Variants in ZBTB20 observed in about 807,000 individuals in gnomAD.
The protein encoded by ZBTB20 is zinc finger and BTB domain containing 20, also known as zinc finger and BTB domain-containing protein 20.
Under a neutral mutation model 56.9 loss-of-function variants are expected in ZBTB20, and 9 were observed. The observed-to-expected ratio is 0.16, with a 90% confidence interval of 0.10 to 0.28. ZBTB20 has a LOEUF of 0.28. ZBTB20 is among the 10% of genes least tolerant of loss of function. The pLI, the probability that ZBTB20 is intolerant of heterozygous loss-of-function variation, is 1.00. For missense variants in ZBTB20, 655 were observed against 1,003.0 expected, an observed-to-expected ratio of 0.65 and a Z score of 4.69; for synonymous variants, 417 against 420.7, an observed-to-expected ratio of 0.99 and a Z score of 0.11.
chr3:114,889,061 T>A (rs2107620075), intron 4 of ZBTB20, among the ~76,000 whole-genome samples: 1 of 152,134 alleles, frequency 6.6e-6, no homozygotes, highest in Admixed American at 6.5e-5. Context: ...AATATATTTT[T>A]AAATAGCTTA....
intron 6 of ZBTB20, chr3:114,520,090 G>A (rs183746938): frequency 1.1e-4 from 17 of 151,924 alleles, no homozygotes; most frequent in African/African-American, 4.1e-4. Context: ...CTGACCTTTG[G>A]GGAATTATTT....
intron 4 of ZBTB20, among the ~76,000 whole-genome samples, chr3:114,830,414 C>T (rs1228117974): frequency 6.6e-6 from 1 of 151,944 alleles, no homozygotes; most frequent in African/African-American, 2.4e-5. Context: ...GCAATGAGAG[C>T]TTGGTGAGCA....
At chr3:114,460,600 C>T (rs1333353520) in intron 7 of ZBTB20, among the ~76,000 whole-genome samples, 1 of 152,144 alleles carries the variant, frequency 6.6e-6, no homozygotes, top group East Asian at 1.9e-4. Flanking sequence ...TTTATAGCCG[C>T]TAAAAGGAAC....
chr3:114,611,699 TTGATCCCCACAGTCA>T (rs2057566546), intron 6 of ZBTB20, among the ~76,000 whole-genome samples: 2 of 152,300 alleles, frequency 1.3e-5, no homozygotes, highest in South Asian at 4.2e-4. Context: ...ATGTCCCTTT[TTGATCCCCACAGTCA>T]TGAGTGTATT....
At chr3:114,964,458 A>T (rs182038422) in intron 3 of ZBTB20, among the ~76,000 whole-genome samples, 2 of 152,144 alleles carry the variant, frequency 1.3e-5, no homozygotes, top group Admixed American at 1.3e-4. Flanking sequence ...ACTATGCTAC[A>T]ATATGGTAAA....
chr3:114,494,162 A>T (rs936441133), intron 7 of ZBTB20, among the ~76,000 whole-genome samples: 4 of 152,222 alleles, frequency 2.6e-5, no homozygotes, highest in Admixed American at 1.3e-4. Flanking sequence ...AGCACTCAAT[A>T]GGTATTTCTT....
At chr3:114,699,683 T>G (rs909169005) in intron 5 of ZBTB20, among the ~76,000 whole-genome samples, 2 of 152,138 alleles carry the variant, frequency 1.3e-5, no homozygotes, top group Non-Finnish European at 2.9e-5. Context: ...AAAAAGTTTT[T>G]TATTTCTCTC....
At chr3:114,499,401 C>G (rs1024484781) in intron 7 of ZBTB20, among the ~76,000 whole-genome samples, 1 of 152,182 alleles carries the variant, frequency 6.6e-6, no homozygotes, top group Non-Finnish European at 1.5e-5. Flanking sequence ...GCCATGGGAA[C>G]CTCCATTCTG....
intron 5 of ZBTB20, among the ~76,000 whole-genome samples, chr3:114,770,627 T>C (rs2069129676): frequency 6.6e-6 from 1 of 152,232 alleles, no homozygotes; most frequent in South Asian, 2.1e-4. Context: ...AAAAGCGCCA[T>C]CTTTTAGAAA....
At chr3:114,372,691 A>T (rs1347795484) in intron 10 of ZBTB20, among the ~76,000 whole-genome samples, 2 of 151,724 alleles carry the variant, frequency 1.3e-5, no homozygotes, top group Non-Finnish European at 2.9e-5. Context: ...AAACCCCCCA[A>T]AAAACTAGCT....
intron 3 of ZBTB20, 183 bp from the exon 4 acceptor site, chr3:114,900,525 A>G (rs1313932300): frequency 6.6e-6 from 1 of 151,884 alleles, no homozygotes; most frequent in Admixed American, 6.6e-5. Context: ...ACACACACAC[A>G]CACACACACA....
chr3:114,615,365 T>G (rs942500230), intron 6 of ZBTB20, among the ~76,000 whole-genome samples: 2 of 152,182 alleles, frequency 1.3e-5, no homozygotes, highest in Non-Finnish European at 2.9e-5. Flanking sequence ...GGGGACACTA[T>G]ATAATGCCTT....
intron 5 of ZBTB20, among the ~76,000 whole-genome samples, chr3:114,734,924 CT>C (rs1310528574): frequency 2.0e-5 from 3 of 152,008 alleles, no homozygotes; most frequent in African/African-American, 7.2e-5. Context: ...ACACGCACAT[CT>C]TTGGGATGTG....
intron 6 of ZBTB20, among the ~76,000 whole-genome samples, chr3:114,678,787 A>C (rs1367834762): frequency 6.6e-6 from 1 of 152,216 alleles, no homozygotes; most frequent in Admixed American, 6.5e-5. Context: ...ATAATTTATT[A>C]CTTCATTAAA....
intron 4 of ZBTB20, among the ~76,000 whole-genome samples, chr3:114,857,182 AC>A (rs2075291663): frequency 6.6e-6 from 1 of 152,154 alleles, no homozygotes; most frequent in African/African-American, 2.4e-5. Flanking sequence ...AGCTGCTTCT[AC>A]AGGTTTATCC....
intron 7 of ZBTB20, among the ~76,000 whole-genome samples, chr3:114,426,660 C>A (rs1430177721): frequency 3.3e-5 from 5 of 151,778 alleles, no homozygotes; most frequent in Non-Finnish European, 7.4e-5. Flanking sequence ...ACGGAATAAT[C>A]CCTCATGCAC....
At chr3:114,571,828 TC>T (rs2053470077) in intron 6 of ZBTB20, among the ~76,000 whole-genome samples, 1 of 152,054 alleles carries the variant, frequency 6.6e-6, no homozygotes, top group Non-Finnish European at 1.5e-5. Context: ...TTAAACAGGC[TC>T]CCCAAGTAAT....
intron 6 of ZBTB20, among the ~76,000 whole-genome samples, chr3:114,518,154 T>C (rs2046234280): frequency 2.0e-5 from 3 of 152,124 alleles, no homozygotes; most frequent in South Asian, 2.1e-4. Flanking sequence ...AGGGCTGGGG[T>C]ATGGGTATTG....
Position 115,111,915 on chromosome 3 carries a change from T to C in ZBTB20, c.-703+35304A>G, listed in dbSNP as rs373332803. Reference sequence around the variant, plus strand: ...GCTTTAGGTGTCAAATCAAAATCCATCTCTTAAAGCTAATCAAGAAAAGTG... The same window carrying C: ...GCTTTAGGTGTCAAATCAAAATCCACCTCTTAAAGCTAATCAAGAAAAGTG... On this transcript the variant is annotated intron_variant, in intron 1 of 11. Transcript: ENST00000675478. Among the ~76,000 whole-genome samples, 6 of 152,222 alleles carry C rather than the reference T, an allele frequency of 3.9e-5. No homozygotes were observed. The East Asian group carries it at 1.2e-3, about 29-fold the overall frequency.
Sources: allele counts gnomAD v4.1 joint callset (sites outside exome capture counted in the v4.1 genomes callset), GRCh38; gene constraint gnomAD v4.1.1; transcripts MANE v1.5; gene names NCBI Gene and HGNC (gene_info 2026-07-23, HGNC 2026-07-21).